Variants in PTCD2 observed in about 807,000 individuals in gnomAD.
PTCD2 encodes pentatricopeptide repeat domain 2.
Under a neutral mutation model 42.6 loss-of-function variants are expected in PTCD2, and 31 were observed. The observed-to-expected ratio is 0.73, with a 90% confidence interval of 0.55 to 0.98. The LOEUF (loss-of-function observed/expected upper bound fraction) is 0.98, where lower values mean the gene tolerates loss of function less well. Ranked by LOEUF, PTCD2 falls within the 50% of genes least tolerant of loss-of-function variation. The pLI is 0.00. For missense variants in PTCD2, 476 were observed against 454.8 expected (o/e 1.05, Z -0.42); for synonymous variants, 183 against 170.9 (o/e 1.07, Z -0.55).
rs1204481381 is a variant in PTCD2 at position 72,364,221 on chromosome 5, T to C, written c.*5794T>C. ...TTGAGATATGTTTTATTCAATAACA[T>C]GGAGTCAAAACAAGAAGATTTTTTA... is the stretch of plus-strand genomic sequence containing the variant. On this transcript the variant is annotated 3_prime_UTR_variant, in exon 10 of 10. Transcript: ENST00000380639. The C allele has an allele frequency of 6.6e-6, 1 of 152,258 alleles. No homozygotes were observed. Among genetic ancestry groups the C allele is most frequent in the African/African-American group, 2.4e-5 (1 of 41,470 alleles). 9.4% of individuals were successfully genotyped at this position (152,258 alleles called of 1,614,324 possible). A position where few individuals can be genotyped will look rare whatever the true frequency, so the allele number is the denominator to read the frequency against.
In PTCD2 at chr5:72,338,685, A is replaced by G. The variant is rs1216745839; in HGVS notation, c.703A>G (p.Ile235Val). 2 of 1,613,258 alleles carry G rather than the reference A, an allele frequency of 1.2e-6. No homozygotes were observed. Among genetic ancestry groups the G allele is most frequent in the African/African-American group, 2.7e-5 (2 of 74,928 alleles). The change falls in exon 7 of 10, where the codon ATT becomes GTT. Residue 235 changes from isoleucine (I) to valine (V), a missense_variant. By Grantham distance (29) the Ile-to-Val change is conservative. Coordinates refer to ENST00000380639, the MANE Select transcript of PTCD2 (RefSeq NM_024754.5). ...LREEALLKGE[I>V]LSRRASCFAV... ...AGAAGAAGCTCTACTCAAAGGAGAA[A>G]TTCTCTCCAGGAGAGCATCCTGTTT...
In PTCD2 at chr5:72,325,068, G is replaced by A. The variant is rs568119096; in HGVS notation, c.221-1544G>A. On this transcript the variant is annotated intron_variant, in intron 2 of 9. Transcript: ENST00000380639. ...CTCCCTAGTAGCTGGGATTACAGGC[G>A]TGCACCACCACACCTGGCTACTTTT... Among the ~76,000 whole-genome samples, 375 of 152,030 alleles carry A rather than the reference G, an allele frequency of 2.5e-3. 5 individuals carry two copies. Among genetic ancestry groups the A allele is most frequent in the African/African-American group, 8.5e-3 (353 of 41,464 alleles).
intron 3 of PTCD2, among the ~76,000 whole-genome samples, chr5:72,328,402 G>T (rs1580144944): frequency 6.6e-6 from 1 of 152,222 alleles, no homozygotes; most frequent in South Asian, 2.1e-4. Context: ...CCACAGCCCA[G>T]ATGGGAGCTG....
At chr5:72,347,739 A>G (rs1752431009) in intron 8 of PTCD2, among the ~76,000 whole-genome samples, 1 of 151,928 alleles carries the variant, frequency 6.6e-6, no homozygotes, top group South Asian at 2.1e-4. Context: ...TTTTCCCCCA[A>G]ATGAGAAGGT....
chr5:72,339,188 C>G (rs1378944466), intron 7 of PTCD2, among the ~76,000 whole-genome samples: 3 of 152,158 alleles, frequency 2.0e-5, no homozygotes, highest in African/African-American at 7.2e-5. Flanking sequence ...TAGCCTCATT[C>G]CCCTGACTGG....
At position 72,367,491 on chromosome 5, in the gene PTCD2, A is replaced by T. The variant is rs1580202956; in HGVS notation, c.*9064A>T. The T allele has an allele frequency of 6.6e-6, 1 of 152,198 alleles. No individual in the cohort carries two copies. The highest frequency in any genetic ancestry group is 2.4e-5 in the African/African-American group (1 of 41,446). The allele number at this position is 152,198 out of a possible 1,614,324, so 9.4% of individuals were successfully genotyped here. Reference sequence around the variant, plus strand: ...AACAAACTGTTAATGACTCTAAACAATGTGGCCCACAGAGTTGGTATGGTT... The same window carrying T: ...AACAAACTGTTAATGACTCTAAACATTGTGGCCCACAGAGTTGGTATGGTT... On this transcript the variant is annotated 3_prime_UTR_variant, in exon 10 of 10. Coordinates refer to ENST00000380639, the MANE Select transcript of PTCD2 (RefSeq NM_024754.5).
At chr5:72,354,772 G>A (rs2112231247) in intron 9 of PTCD2, among the ~76,000 whole-genome samples, 1 of 152,294 alleles carries the variant, frequency 6.6e-6, no homozygotes, top group South Asian at 2.1e-4. Context: ...GAAGTTGTAT[G>A]TACAAGGCTA....
In PTCD2 at chr5:72,358,295, C is replaced by G. The variant is rs1342256460; in HGVS notation, c.1035C>G (p.Val345=). 1 of 1,613,968 alleles carries G rather than the reference C, an allele frequency of 6.2e-7. No individual in the cohort carries two copies. The highest frequency in any genetic ancestry group is 1.1e-5 in the South Asian group (1 of 91,074). ...GGACACTGCACATCACTGGCCAGGT[C>G]ACCACTGATTCTTTGGATGCTGTGC... ...IYGTLHITGQ[V]TTDSLDAVLC... is the part of the protein sequence containing the mutation. Residue 345 remains valine (V), a synonymous_variant, in exon 10 of 10, where the codon GTC becomes GTG. Coordinates refer to ENST00000380639, the MANE Select transcript of PTCD2 (RefSeq NM_024754.5).
chr5:72,357,076 T>A (rs1752911152), intron 9 of PTCD2, among the ~76,000 whole-genome samples: 1 of 152,200 alleles, frequency 6.6e-6, no homozygotes, highest in Admixed American at 6.5e-5. Flanking sequence ...TACTTGTGAC[T>A]CTACTACGTA....
chr5:72,356,259 A>T (rs190529801), intron 9 of PTCD2, among the ~76,000 whole-genome samples: 1 of 152,334 alleles, frequency 6.6e-6, no homozygotes, highest in Non-Finnish European at 1.5e-5. Context: ...CCATCAATAC[A>T]TTGTCACCCA....
At position 72,363,689 on chromosome 5, in the gene PTCD2, G is replaced by A. The variant is rs1580201009; in HGVS notation, c.*5262G>A. On this transcript the variant is annotated 3_prime_UTR_variant, in exon 10 of 10. Coordinates refer to ENST00000380639, the MANE Select transcript of PTCD2 (RefSeq NM_024754.5). ...TACACATAATAAGTACCCTTCCTCT[G>A]CTATTCTCTCTTGCTGACCCCAAGC... 1 of 152,306 alleles carries A rather than the reference G, an allele frequency of 6.6e-6. No homozygotes were observed. The highest frequency in any genetic ancestry group is 1.9e-4 in the East Asian group (1 of 5,190). The allele number at this position is 152,306 out of a possible 1,614,324, so 9.4% of individuals were successfully genotyped here.
chr5:72,358,508 C>A lies in PTCD2; in HGVS notation c.*81C>A. 1 of 971,598 alleles carries A rather than the reference C, an allele frequency of 1.0e-6. No homozygotes were observed. The allele number at this position is 971,598 out of a possible 1,614,324, so 60.2% of individuals were successfully genotyped here. A position where few individuals can be genotyped will look rare whatever the true frequency, so the allele number is the denominator to read the frequency against. On this transcript the variant is annotated 3_prime_UTR_variant, in exon 10 of 10. Transcript: ENST00000380639. ...CTTTCCTAAGAAGCCAGGTATCGCA[C>A]TTCAGCAGACAGTGTGCTGACACTT... is the stretch of plus-strand genomic sequence containing the variant.
chr5:72,335,738 TGG>T, intron 5 of PTCD2, 54 bp from the exon 6 acceptor site: 1 of 1,132,962 alleles, frequency 8.8e-7, no homozygotes, highest in Non-Finnish European at 1.3e-6. Flanking sequence ...ATGAGAGCTT[TGG>T]GGGCCAACAG....
At chr5:72,342,681 T>A (rs1277463556) in intron 7 of PTCD2, among the ~76,000 whole-genome samples, 2 of 152,268 alleles carry the variant, frequency 1.3e-5, no homozygotes, top group Admixed American at 1.3e-4. Flanking sequence ...TCTTCATTCC[T>A]ATTTTTTTAG....
rs187821477 is a variant in PTCD2 at position 72,343,235 on chromosome 5, C to T, written c.828+199C>T. 3.3e-5 allele frequency among the ~76,000 whole-genome samples: 5 copies of T among 152,290 alleles called. No homozygotes were observed. The East Asian group carries it at 5.8e-4, about 18-fold the overall frequency. On this transcript the variant is annotated intron_variant, in intron 8 of 9. Coordinates refer to ENST00000380639, the MANE Select transcript of PTCD2 (RefSeq NM_024754.5). Reference sequence around the variant, plus strand: ...TTGTAAGAAGAGTCAACACAGCTGTCGCTTCCAGGAGTTTGTAAACAGGTT... The same window carrying T: ...TTGTAAGAAGAGTCAACACAGCTGTTGCTTCCAGGAGTTTGTAAACAGGTT...
intron 9 of PTCD2, among the ~76,000 whole-genome samples, chr5:72,355,508 A>C (rs902702451): frequency 6.6e-6 from 1 of 152,252 alleles, no homozygotes; most frequent in Non-Finnish European, 1.5e-5. Flanking sequence ...TACCTTGTTT[A>C]TGTATTTCAT....
intron 8 of PTCD2, among the ~76,000 whole-genome samples, chr5:72,348,087 C>T (rs1394365867): frequency 6.6e-6 from 1 of 152,194 alleles, no homozygotes; most frequent in African/African-American, 2.4e-5. Context: ...CCAAATTTCT[C>T]ATGTTGCAAT....
chr5:72,340,312 A>G (rs1358355185), intron 7 of PTCD2, among the ~76,000 whole-genome samples: 2 of 152,192 alleles, frequency 1.3e-5, no homozygotes, highest in Non-Finnish European at 2.9e-5. Context: ...CCCCCATCCA[A>G]TACCCAATTT....
rs986861275 is a variant in PTCD2, at chr5:72,363,588, G to A, written c.*5161G>A. ...CCTGAGTAAATAATGTGCTGATGCAGTGTTGGGCCCAGCAGGCCTTTTAGA... is the reference window on the plus strand; with the variant it reads ...CCTGAGTAAATAATGTGCTGATGCAATGTTGGGCCCAGCAGGCCTTTTAGA... On this transcript the variant is annotated 3_prime_UTR_variant, in exon 10 of 10. Coordinates refer to ENST00000380639, the MANE Select transcript of PTCD2 (RefSeq NM_024754.5). The A allele has an allele frequency of 6.6e-6, 1 of 152,310 alleles. No homozygotes were observed. The highest frequency in any genetic ancestry group is 1.5e-5 in the Non-Finnish European group (1 of 68,152). 9.4% of individuals were successfully genotyped at this position (152,310 alleles called of 1,614,324 possible).
Sources: gnomAD v4.1 joint callset for allele counts (sites outside exome capture counted in the v4.1 genomes callset) on GRCh38, gnomAD v4.1.1 for gene constraint, MANE v1.5 for transcripts, NCBI Gene and HGNC (gene_info 2026-07-23, HGNC 2026-07-21) for gene names.